ERC2: variants seen among roughly 807,000 people sequenced by gnomAD.
ERC2 encodes ELKS/RAB6-interacting/CAST family member 2, also known as ERC protein 2.
In ERC2, 42 loss-of-function variants were observed where a neutral mutation model predicts 114.8. The observed-to-expected ratio is 0.37, with a 90% CI of 0.29 to 0.47. The LOEUF is 0.47. ERC2 is among the 20% of genes least tolerant of loss of function. ERC2 has a pLI of 0.99. For missense variants in ERC2, 939 were observed against 1,150.7 expected, an observed-to-expected ratio of 0.82 and a Z score of 2.66; for synonymous variants, 454 against 425.5, an observed-to-expected ratio of 1.07 and a Z score of -0.82.
chr3:55,574,918 C>T (rs1182251765), intron 17 of ERC2, among the ~76,000 whole-genome samples: 3 of 152,188 alleles, frequency 2.0e-5, no homozygotes, highest in Non-Finnish European at 4.4e-5. Context: ...TGTAAGTGCC[C>T]GCTCATCCAT....
chr3:55,845,958 T>G (rs957073805), intron 14 of ERC2, among the ~76,000 whole-genome samples: 1 of 152,244 alleles, frequency 6.6e-6, no homozygotes, highest in Non-Finnish European at 1.5e-5. Context: ...AGCCTCTGAG[T>G]TGGAAATGAC....
chr3:55,751,799 C>A (rs986096967), intron 14 of ERC2, among the ~76,000 whole-genome samples: 1 of 152,096 alleles, frequency 6.6e-6, no homozygotes, highest in Non-Finnish European at 1.5e-5. Flanking sequence ...AAGGCAATGT[C>A]GAGAAAATCC....
chr3:56,147,743 AC>A, intron 5 of ERC2, among the ~76,000 whole-genome samples: 1 of 152,334 alleles, frequency 6.6e-6, no homozygotes, highest in African/African-American at 2.4e-5. Flanking sequence ...AAAAAAGAAA[AC>A]AAATTTTTTT....
intron 14 of ERC2, among the ~76,000 whole-genome samples, chr3:55,828,475 G>GC (rs2060427043): frequency 2.0e-5 from 3 of 151,160 alleles, no homozygotes; most frequent in African/African-American, 4.9e-5. Context: ...GGGGCAGCAG[G>GC]GGCAGCAGGG....
At chr3:56,236,327 T>G (rs2050944252) in intron 3 of ERC2, among the ~76,000 whole-genome samples, 1 of 151,822 alleles carries the variant, frequency 6.6e-6, no homozygotes, top group Non-Finnish European at 1.5e-5. Context: ...TCGAAGAAAA[T>G]CAACTTTTTT....
At chr3:56,223,532 A>T (rs2050059238) in intron 3 of ERC2, among the ~76,000 whole-genome samples, 1 of 152,086 alleles carries the variant, frequency 6.6e-6, no homozygotes, top group Non-Finnish European at 1.5e-5. Context: ...AAAAAAAAAA[A>T]AAAAAAAATG....
At chr3:55,661,931 C>T (rs943309319) in intron 17 of ERC2, among the ~76,000 whole-genome samples, 3 of 152,058 alleles carry the variant, frequency 2.0e-5, no homozygotes, top group African/African-American at 7.2e-5. Flanking sequence ...TTAGATTTTC[C>T]CTTTTTCACT....
intron 17 of ERC2, among the ~76,000 whole-genome samples, chr3:55,666,105 G>A (rs2061347149): frequency 1.3e-5 from 2 of 152,176 alleles, no homozygotes; most frequent in African/African-American, 4.8e-5. Context: ...CTATTGCCTA[G>A]GTTTTGTAGG....
chr3:56,034,285 T>G (rs1188957017), intron 7 of ERC2, among the ~76,000 whole-genome samples: 1 of 152,030 alleles, frequency 6.6e-6, no homozygotes, highest in African/African-American at 2.4e-5. Context: ...GTAAAACAAC[T>G]ATAAATATAT....
chr3:55,639,075 G>A (rs752613324), intron 17 of ERC2, among the ~76,000 whole-genome samples: 11 of 152,172 alleles, frequency 7.2e-5, no homozygotes, highest in Admixed American at 4.6e-4. Context: ...ATTCAGGGTC[G>A]GTGAGCTATC....
rs1050644929 is a variant in ERC2, at chr3:55,761,620, T to C, written c.2565-26702A>G. On this transcript the variant is annotated intron_variant, in intron 14 of 17. Coordinates refer to ENST00000288221, the MANE Select transcript of ERC2 (RefSeq NM_015576.3). ...CAGATGAGGTGATATGGTTTGGCAA[T>C]GTGTCCCCACCCAAATCTCATCTAT... is the stretch of plus-strand genomic sequence containing the variant. Among the ~76,000 whole-genome samples the C allele has an allele frequency of 5.3e-5, 8 of 152,156 alleles. No homozygotes were observed. The East Asian group carries it at 5.8e-4, about 11-fold the overall frequency.
intron 15 of ERC2, among the ~76,000 whole-genome samples, chr3:55,714,504 G>A (rs970027722): frequency 4.6e-5 from 7 of 151,770 alleles, no homozygotes; most frequent in South Asian, 2.1e-4. Context: ...AGAGTGATAC[G>A]TATTTGTATT....
chr3:55,679,189 C>T (rs2061945699), intron 17 of ERC2, among the ~76,000 whole-genome samples: 1 of 152,214 alleles, frequency 6.6e-6, no homozygotes, highest in Non-Finnish European at 1.5e-5. Flanking sequence ...TCTCCATCCT[C>T]ATCTCACTGT....
chr3:56,425,566 T>TC (rs58469111), intron 2 of ERC2, among the ~76,000 whole-genome samples: 14 of 136,706 alleles, frequency 1.0e-4, no homozygotes, highest in African/African-American at 2.9e-4. Flanking sequence ...TTTTCTTTTT[T>TC]TTTTTTTTTT....
intron 14 of ERC2, among the ~76,000 whole-genome samples, chr3:55,746,392 C>T (rs901497288): frequency 1.3e-5 from 2 of 152,032 alleles, no homozygotes; most frequent in Non-Finnish European, 2.9e-5. Flanking sequence ...CACCACCATG[C>T]CCAGTTAATT....
chr3:55,979,233 C>T (rs1270109086), intron 12 of ERC2, among the ~76,000 whole-genome samples: 2 of 152,216 alleles, frequency 1.3e-5, no homozygotes, highest in Admixed American at 6.5e-5. Flanking sequence ...CACATCACAT[C>T]AAGATCTGTT....
At chr3:55,914,863 C>G (rs531207648) in intron 13 of ERC2, among the ~76,000 whole-genome samples, 12 of 152,154 alleles carry the variant, frequency 7.9e-5, no homozygotes, top group Non-Finnish European at 1.8e-4. Flanking sequence ...GGACATTCTT[C>G]CTTCTAAGTG....
intron 1 of ERC2, among the ~76,000 whole-genome samples, chr3:56,436,427 T>C (rs2062021016): frequency 6.6e-6 from 1 of 152,224 alleles, no homozygotes; most frequent in Admixed American, 6.5e-5. Flanking sequence ...AGTACATTAA[T>C]AGCAGTATAC....
At chr3:56,418,139 A>C (rs1009488253) in intron 2 of ERC2, among the ~76,000 whole-genome samples, 2 of 152,008 alleles carry the variant, frequency 1.3e-5, no homozygotes, top group African/African-American at 2.4e-5. Context: ...AAAATTGTTT[A>C]ATAAAAATAT....
Sources: gnomAD v4.1 joint callset for allele counts (sites outside exome capture counted in the v4.1 genomes callset) on GRCh38, gnomAD v4.1.1 for gene constraint, MANE v1.5 for transcripts, NCBI Gene and HGNC (gene_info 2026-07-23, HGNC 2026-07-21) for gene names.